GLP2R: variants seen among roughly 807,000 people sequenced by gnomAD.
The protein encoded by GLP2R is glucagon like peptide 2 receptor.
In GLP2R, 59 loss-of-function variants were observed where a neutral mutation model predicts 68.2. The ratio of observed to expected loss-of-function variants is 0.87; its 90% confidence interval spans 0.70 to 1.07. The LOEUF (loss-of-function observed/expected upper bound fraction) is 1.07. Ranked by LOEUF, GLP2R falls within the 50% of genes least tolerant of loss-of-function variation. The pLI is 0.00. For missense variants in GLP2R, 548 were observed against 677.4 expected, an observed-to-expected ratio of 0.81 and a Z score of 2.12; for synonymous variants, 270 against 265.4, an observed-to-expected ratio of 1.02 and a Z score of -0.17.
rs115030400 is a variant in GLP2R at position 9,832,747 on chromosome 17, A to C, written c.190-1060A>C. Among the ~76,000 whole-genome samples, 507 of 152,218 alleles carry C rather than the reference A, an allele frequency of 3.3e-3. 5 individuals are homozygous for C. The highest frequency in any genetic ancestry group is 0.011 in the African/African-American group (471 of 41,510). Reference sequence around the variant, plus strand: ...AGAACTTGTCTCAAAAAAGTAAATAAATAAAATAAAAATAAAATCAAAAGA... The same window carrying C: ...AGAACTTGTCTCAAAAAAGTAAATACATAAAATAAAAATAAAATCAAAAGA... On this transcript the variant is annotated intron_variant, in intron 1 of 12. Coordinates refer to ENST00000262441, the MANE Select transcript of GLP2R (RefSeq NM_004246.3).
Position 9,874,328 on chromosome 17 carries a change from T to C in GLP2R, c.1145+3493T>C, listed in dbSNP as rs117721406. ...TGCAGTCTGTCTGGAAATTCCTTTT[T>C]TCCTCTCCCCTGCCCTTGTTCAAAG... is the stretch of plus-strand genomic sequence containing the variant. On this transcript the variant is annotated intron_variant, in intron 10 of 12. Coordinates refer to ENST00000262441, the MANE Select transcript of GLP2R (RefSeq NM_004246.3). 8.5e-3 allele frequency among the ~76,000 whole-genome samples: 1,295 copies of C among 152,214 alleles called. 22 individuals carry two copies. Among genetic ancestry groups the C allele is most frequent in the Non-Finnish European group, 0.012 (838 of 68,004 alleles).
chr17:9,840,536 C>T (rs946896625), intron 3 of GLP2R, among the ~76,000 whole-genome samples: 7 of 152,210 alleles, frequency 4.6e-5, no homozygotes, highest in African/African-American at 1.2e-4. Context: ...TGACAAAAAC[C>T]GAGTAAGATC....
intron 3 of GLP2R, among the ~76,000 whole-genome samples, chr17:9,836,713 T>A (rs2066735120): frequency 6.6e-6 from 1 of 152,128 alleles, no homozygotes; most frequent in Non-Finnish European, 1.5e-5. Context: ...GATACAGGCA[T>A]GCAATGTGAA....
chr17:9,859,108 G>A (rs376076578), intron 6 of GLP2R, among the ~76,000 whole-genome samples: 4 of 151,712 alleles, frequency 2.6e-5, no homozygotes, highest in African/African-American at 4.8e-5. Context: ...AAGGCTATAC[G>A]TTTTATTATA....
intron 4 of GLP2R, chr17:9,853,172 ATTCT>A (rs1567725451): frequency 2.4e-6 from 1 of 418,580 alleles, no homozygotes; most frequent in Non-Finnish European, 4.4e-6. Context: ...CAAACTGACA[ATTCT>A]TAAAGATAAG....
rs528709937 is a variant in GLP2R at position 9,876,358 on chromosome 17, C to T, written c.1146-4020C>T. Among the ~76,000 whole-genome samples, 32 of 152,256 alleles carry T rather than the reference C, an allele frequency of 2.1e-4. No homozygotes were observed. The South Asian group carries it at 3.3e-3, about 16-fold the overall frequency. ...AGTTTATTTCATAAGTCTTATATGA[C>T]GTAGGAGACTTCATAAGGAAAGGAA... On this transcript the variant is annotated intron_variant, in intron 10 of 12. Coordinates refer to ENST00000262441, the MANE Select transcript of GLP2R (RefSeq NM_004246.3).
At chr17:9,833,230 C>T (rs1408916738) in intron 1 of GLP2R, among the ~76,000 whole-genome samples, 1 of 151,314 alleles carries the variant, frequency 6.6e-6, no homozygotes, top group East Asian at 1.9e-4. Context: ...CACCATTGCA[C>T]TCCAGCCTGG....
intron 4 of GLP2R, chr17:9,852,873 G>T (rs1289621835): frequency 7.1e-6 from 3 of 424,010 alleles, no homozygotes; most frequent in Admixed American, 6.3e-5. Context: ...GTGGAAACTT[G>T]CTACCACTTC....
chr17:9,853,120 T>C, intron 4 of GLP2R: 1 of 528,772 alleles, frequency 1.9e-6, no homozygotes, highest in Middle Eastern at 5.8e-4. Context: ...TCATTCATTG[T>C]CTCTGCGTCA....
Position 9,891,818 on chromosome 17 carries a change from C to T in GLP2R, c.*2113C>T, listed in dbSNP as rs1407811741. ...GCCTCGGCTCATCAGCCAATTAGCT[C>T]CTAGAAAGCTGGGGTCATCTCGTAT... On this transcript the variant is annotated 3_prime_UTR_variant, in exon 13 of 13. Coordinates refer to ENST00000262441, the MANE Select transcript of GLP2R (RefSeq NM_004246.3). 6.6e-6 allele frequency: 1 copy of T among 152,108 alleles called. No individual in the cohort carries two copies. The highest frequency in any genetic ancestry group is 1.5e-5 in the Non-Finnish European group (1 of 68,022). 9.4% of individuals were successfully genotyped at this position (152,108 alleles called of 1,614,324 possible). A position where few individuals can be genotyped will look rare whatever the true frequency, so the allele number is the denominator to read the frequency against.
intron 9 of GLP2R, among the ~76,000 whole-genome samples, chr17:9,863,553 T>C (rs2067006289): frequency 6.6e-6 from 1 of 152,180 alleles, no homozygotes; most frequent in Admixed American, 6.5e-5. Flanking sequence ...ACGCCTGCCA[T>C]ACTGAATGCT....
At chr17:9,850,641 C>T (rs1304351672) in intron 4 of GLP2R, among the ~76,000 whole-genome samples, 1 of 151,876 alleles carries the variant, frequency 6.6e-6, no homozygotes, top group Admixed American at 6.6e-5. Flanking sequence ...GCTTGATAAC[C>T]CATGCTTTAT....
chr17:9,836,558 G>A, intron 3 of GLP2R, 83 bp downstream of exon 3: 2 of 775,524 alleles, frequency 2.6e-6, no homozygotes, highest in Non-Finnish European at 4.6e-6. Context: ...CCCCGTCTAA[G>A]CTCTCAGTAA....
intron 1 of GLP2R, among the ~76,000 whole-genome samples, chr17:9,826,843 A>G (rs946762730): frequency 1.3e-5 from 2 of 151,984 alleles, no homozygotes; most frequent in Non-Finnish European, 2.9e-5. Context: ...ACATTTTTCT[A>G]CCATTGTTTG....
At position 9,866,760 on chromosome 17, in the gene GLP2R, G is replaced by C. The variant is rs2152042306; in HGVS notation, c.1057-3987G>C. On this transcript the variant is annotated intron_variant, in intron 9 of 12. Transcript: ENST00000262441. ...ATAGTTATCATTCTGAGACTCATCA[G>C]ACTATGACTGAACCAATATCTGCCT... 5 of 152,294 alleles carry C rather than the reference G, an allele frequency of 3.3e-5. No homozygotes were observed. The South Asian group carries it at 1.0e-3, about 32-fold the overall frequency. 9.4% of individuals were successfully genotyped at this position (152,294 alleles called of 1,614,324 possible).
At chr17:9,882,660 T>C (rs2067207843) in intron 11 of GLP2R, among the ~76,000 whole-genome samples, 1 of 152,246 alleles carries the variant, frequency 6.6e-6, no homozygotes, top group Non-Finnish European at 1.5e-5. Context: ...TATGGAAGTC[T>C]TATGGGCTTG....
At chr17:9,828,678 G>A (rs1049781924) in intron 1 of GLP2R, among the ~76,000 whole-genome samples, 1 of 152,104 alleles carries the variant, frequency 6.6e-6, no homozygotes, top group Non-Finnish European at 1.5e-5. Flanking sequence ...GTGCCTACCC[G>A]GGGTGTTTGA....
At chr17:9,888,058 T>C (rs17676067) in intron 12 of GLP2R, 85 bp downstream of exon 12, 228,214 of 920,444 alleles carry the variant, frequency 0.25, 33,588 homozygotes, top group Non-Finnish European at 0.31. Context: ...GTGGATGGGA[T>C]GATGCTACGG....
intron 4 of GLP2R, among the ~76,000 whole-genome samples, chr17:9,847,117 A>T (rs1470123349): frequency 6.6e-6 from 1 of 152,224 alleles, no homozygotes; most frequent in African/African-American, 2.4e-5. Context: ...AGCGTTAGAC[A>T]TGTTTCTCCT....
Sources: allele counts gnomAD v4.1 joint callset (sites outside exome capture counted in the v4.1 genomes callset), GRCh38; gene constraint gnomAD v4.1.1; transcripts MANE v1.5; gene names NCBI Gene and HGNC (gene_info 2026-07-23, HGNC 2026-07-21).